Variants in NYAP2 observed in about 807,000 individuals in gnomAD.
The protein encoded by NYAP2 is neuronal tyrosine-phosphorylated phosphoinositide-3-kinase adaptor 2, also known as neuronal tyrosine-phosphorylated phosphoinositide-3-kinase adapter 2.
In NYAP2, 23 loss-of-function variants were observed where a neutral mutation model predicts 50.4. The observed-to-expected ratio is 0.46, with a 90% confidence interval of 0.33 to 0.65. NYAP2 has a LOEUF of 0.65. Among genes scored for constraint, NYAP2 ranks in the 30% least tolerant of loss-of-function variants. NYAP2 has a pLI of 0.02. For synonymous variants in NYAP2, 394 were observed against 365.2 expected, an observed-to-expected ratio of 1.08 and a Z score of -0.90; for missense variants, 885 against 861.0, an observed-to-expected ratio of 1.03 and a Z score of -0.35.
At chr2:225,631,037 T>G (rs1693304818) in intron 6 of NYAP2, among the ~76,000 whole-genome samples, 2 of 152,330 alleles carry the variant, frequency 1.3e-5, no homozygotes, top group South Asian at 4.1e-4. Context: ...ACAGTAAGAC[T>G]GGATGAGTCT....
chr2:225,519,518 A>G (rs575281439), intron 4 of NYAP2, among the ~76,000 whole-genome samples: 94 of 146,640 alleles, frequency 6.4e-4, no homozygotes, highest in African/African-American at 2.3e-3. Flanking sequence ...GAGAATATGC[A>G]GTGTTTGGTT....
intron 5 of NYAP2, among the ~76,000 whole-genome samples, chr2:225,608,228 C>G (rs1376922876): frequency 6.6e-6 from 1 of 152,080 alleles, no homozygotes. Context: ...ATTTTTAAAA[C>G]TAGGTCTGTA....
At chr2:225,446,246 C>CTCTCTCTCTATA (rs1239402824) in intron 3 of NYAP2, among the ~76,000 whole-genome samples, 2 of 82,274 alleles carry the variant, frequency 2.4e-5, no homozygotes, top group Admixed American at 1.5e-4. Flanking sequence ...CTCTCTCTCT[C>CTCTCTCTCTATA]TATATATATA....
chr2:225,485,998 T>C (rs1690292197), intron 3 of NYAP2, among the ~76,000 whole-genome samples: 2 of 152,168 alleles, frequency 1.3e-5, no homozygotes, highest in East Asian at 3.9e-4. Flanking sequence ...AATGTCTCCT[T>C]GTGGGCGGTG....
chr2:225,592,424 A>G (rs577714266), intron 5 of NYAP2, among the ~76,000 whole-genome samples: 10 of 152,332 alleles, frequency 6.6e-5, no homozygotes, highest in South Asian at 4.1e-4. Flanking sequence ...AAGGGGCCCT[A>G]TGCTTCTTAG....
At chr2:225,500,648 A>G (rs555847406) in intron 3 of NYAP2, among the ~76,000 whole-genome samples, 1 of 152,244 alleles carries the variant, frequency 6.6e-6, no homozygotes, top group African/African-American at 2.4e-5. Flanking sequence ...TATCAGAAGA[A>G]GCACATATTA....
At chr2:225,514,132 C>T (rs1391525647) in intron 4 of NYAP2, among the ~76,000 whole-genome samples, 2 of 152,146 alleles carry the variant, frequency 1.3e-5, no homozygotes, top group Non-Finnish European at 2.9e-5. Context: ...TGTGTGCATA[C>T]TATAATCTTA....
At chr2:225,568,857 G>T (rs1459332346) in intron 4 of NYAP2, among the ~76,000 whole-genome samples, 1 of 152,156 alleles carries the variant, frequency 6.6e-6, no homozygotes, top group Non-Finnish European at 1.5e-5. Flanking sequence ...TTGTATAGGA[G>T]ATATAGAGGT....
At chr2:225,531,544 T>C (rs1691253803) in intron 4 of NYAP2, among the ~76,000 whole-genome samples, 1 of 152,236 alleles carries the variant, frequency 6.6e-6, no homozygotes, top group African/African-American at 2.4e-5. Flanking sequence ...TGATGCCTAC[T>C]GCAGACGTGG....
chr2:225,427,562 T>A (rs1695305490), intron 3 of NYAP2, among the ~76,000 whole-genome samples: 1 of 152,172 alleles, frequency 6.6e-6, no homozygotes, highest in Non-Finnish European at 1.5e-5. Flanking sequence ...CCCGTGTGGC[T>A]CCTTCCCTGT....
At chr2:225,684,561 GTT>G in the NYAP2 span, among the ~76,000 whole-genome samples, 1 of 145,576 alleles carries the variant, frequency 6.9e-6, no homozygotes, top group Non-Finnish European at 1.5e-5. Flanking sequence ...TAGTTTTTTT[GTT>G]TTTTTTTTGA....
At chr2:225,594,003 G>C (rs1349381334) in intron 5 of NYAP2, among the ~76,000 whole-genome samples, 6 of 152,088 alleles carry the variant, frequency 3.9e-5, no homozygotes, top group Admixed American at 1.3e-4. Flanking sequence ...TTTATTGGAG[G>C]GAAAGATATA....
At chr2:225,592,669 T>A (rs1270416467) in intron 5 of NYAP2, among the ~76,000 whole-genome samples, 1 of 152,192 alleles carries the variant, frequency 6.6e-6, no homozygotes, top group African/African-American at 2.4e-5. Context: ...TGTCTGTTTT[T>A]CTCATTTAGT....
At chr2:225,569,069 GC>G (rs1692017684) in intron 4 of NYAP2, among the ~76,000 whole-genome samples, 1 of 152,160 alleles carries the variant, frequency 6.6e-6, no homozygotes, top group South Asian at 2.1e-4. Flanking sequence ...TGGAAGAAAT[GC>G]AGCTATATGA....
intron 3 of NYAP2, among the ~76,000 whole-genome samples, chr2:225,493,688 C>A (rs1690451195): frequency 6.6e-6 from 1 of 152,154 alleles, no homozygotes; most frequent in African/African-American, 2.4e-5. Context: ...TGTTATTAAC[C>A]TGAAATGTAG....
chr2:225,398,802 C>T (rs1488444332), upstream of NYAP2, among the ~76,000 whole-genome samples: 1 of 151,920 alleles, frequency 6.6e-6, no homozygotes, highest in Admixed American at 6.6e-5. Flanking sequence ...GCTAGATACA[C>T]AAAGACCAAG....
intron 5 of NYAP2, among the ~76,000 whole-genome samples, chr2:225,613,632 G>A (rs536282152): frequency 6.6e-5 from 10 of 152,282 alleles, no homozygotes; most frequent in African/African-American, 2.4e-4. Flanking sequence ...ATACGTGGTA[G>A]CTCTAATAAC....
intron 3 of NYAP2, among the ~76,000 whole-genome samples, chr2:225,426,139 C>CTTT (rs56247453): frequency 1.3e-5 from 2 of 148,868 alleles, no homozygotes; most frequent in African/African-American, 4.9e-5. Context: ...TTTCTCTTTT[C>CTTT]TTTTTTTTTT....
At chr2:225,690,241 C>A in the NYAP2 span, among the ~76,000 whole-genome samples, 1 of 151,978 alleles carries the variant, frequency 6.6e-6, no homozygotes, top group Non-Finnish European at 1.5e-5. Context: ...TATTTTATAA[C>A]AGATACATGG....
Sources: gnomAD v4.1 joint callset for allele counts (sites outside exome capture counted in the v4.1 genomes callset) on GRCh38, gnomAD v4.1.1 for gene constraint, MANE v1.5 for transcripts, NCBI Gene and HGNC (gene_info 2026-07-23, HGNC 2026-07-21) for gene names.